The following PDE1C variants were observed in gnomAD, a reference collection of about 807,000 sequenced individuals.
PDE1C encodes phosphodiesterase 1C, also known as dual specificity calcium/calmodulin-dependent 3',5'-cyclic nucleotide phosphodiesterase 1C.
In PDE1C, 62 loss-of-function variants were observed where a neutral mutation model predicts 93.1. The ratio of observed to expected loss-of-function variants is 0.67; its 90% CI spans 0.54 to 0.82. The LOEUF is 0.82. Among genes scored for constraint, PDE1C ranks in the 40% least tolerant of loss-of-function variants. The pLI is 0.00. For synonymous variants in PDE1C, 325 were observed against 310.1 expected (o/e 1.05, Z -0.50); for missense variants, 742 against 884.6 (o/e 0.84, Z 2.04).
intron 2 of PDE1C, among the ~76,000 whole-genome samples, chr7:31,930,011 G>T (rs1803968563): frequency 6.6e-6 from 1 of 152,020 alleles, no homozygotes; most frequent in African/African-American, 2.4e-5. Context: ...TAACAAAATA[G>T]ACCACTAGCC....
chr7:32,376,145 C>T (rs943895586), intron 1 of PDE1C, among the ~76,000 whole-genome samples: 43 of 151,376 alleles, frequency 2.8e-4, no homozygotes, highest in African/African-American at 9.3e-4. Flanking sequence ...TGGGTGACAG[C>T]GAGACTCTGT....
At chr7:32,293,451 A>C (rs1361995093) in intron 1 of PDE1C, among the ~76,000 whole-genome samples, 1 of 152,128 alleles carries the variant, frequency 6.6e-6, no homozygotes, top group Non-Finnish European at 1.5e-5. Flanking sequence ...AGTGGCATAC[A>C]CCGGTTTTAA....
chr7:31,987,700 C>T (rs191978025), intron 2 of PDE1C, among the ~76,000 whole-genome samples: 2 of 152,226 alleles, frequency 1.3e-5, no homozygotes, highest in Non-Finnish European at 1.5e-5. Flanking sequence ...AGTGTTATAT[C>T]GTTAGAAGCA....
intron 7 of PDE1C, among the ~76,000 whole-genome samples, chr7:31,855,454 A>T (rs1793892386): frequency 6.6e-6 from 1 of 152,058 alleles, no homozygotes; most frequent in South Asian, 2.1e-4. Flanking sequence ...GTTAGCCTTA[A>T]TTGCATCTGC....
chr7:31,878,173 C>A, intron 4 of PDE1C, 137 bp from the exon 5 acceptor site: 1 of 574,118 alleles, frequency 1.7e-6, no homozygotes, highest in Non-Finnish European at 3.0e-6. Context: ...CATTTTTTGA[C>A]ATTTTTAATA....
At chr7:31,998,008 AT>A (rs1353857739) in intron 2 of PDE1C, among the ~76,000 whole-genome samples, 2 of 121,052 alleles carry the variant, frequency 1.7e-5, no homozygotes, top group Non-Finnish European at 3.7e-5. Context: ...ATTTTATTTT[AT>A]TTTTATTTAT....
At chr7:31,717,143 A>T in the PDE1C span, among the ~76,000 whole-genome samples, 11 of 152,354 alleles carry the variant, frequency 7.2e-5, no homozygotes, top group South Asian at 2.1e-3. Context: ...GTTACTCTTG[A>T]TTAGTTTTTG....
chr7:31,697,132 G>A, the PDE1C span: 4 of 1,613,030 alleles, frequency 2.5e-6, no homozygotes, highest in Admixed American at 5.0e-5. Flanking sequence ...AAAAGCTGGT[G>A]CAGGGCATTT....
chr7:31,826,911 T>A (rs1583492576), intron 12 of PDE1C, among the ~76,000 whole-genome samples: 1 of 152,182 alleles, frequency 6.6e-6, no homozygotes, highest in African/African-American at 2.4e-5. Flanking sequence ...ACTCTGCCAC[T>A]AAAGTGCTAA....
intron 1 of PDE1C, among the ~76,000 whole-genome samples, chr7:32,326,585 A>T (rs1261872043): frequency 6.6e-6 from 1 of 152,162 alleles, no homozygotes; most frequent in Non-Finnish European, 1.5e-5. Flanking sequence ...AAGGACTAAT[A>T]CTTGACTATT....
intron 2 of PDE1C, among the ~76,000 whole-genome samples, chr7:32,021,039 A>G (rs1357603617): frequency 1.3e-5 from 2 of 152,100 alleles, no homozygotes; most frequent in Non-Finnish European, 2.9e-5. Flanking sequence ...TGACTTTTAG[A>G]AAGAGCTCCC....
chr7:32,154,055 G>A (rs140750977), intron 3 of PDE1C, among the ~76,000 whole-genome samples: 24 of 152,240 alleles, frequency 1.6e-4, no homozygotes, highest in South Asian at 8.3e-4. Flanking sequence ...GGAGTTTGAC[G>A]CCAGCCTGGG....
intron 1 of PDE1C, among the ~76,000 whole-genome samples, chr7:32,286,452 T>G (rs1447792459): frequency 1.3e-5 from 2 of 152,190 alleles, no homozygotes; most frequent in Non-Finnish European, 2.9e-5. Context: ...CAGCAAACAC[T>G]CAACTACAAA....
At chr7:32,353,761 G>T (rs56047039) in intron 1 of PDE1C, among the ~76,000 whole-genome samples, 6,333 of 152,108 alleles carry the variant, frequency 0.042, 252 homozygotes, top group African/African-American at 0.098. Flanking sequence ...AGGAGTTTAT[G>T]AAATGATATA....
intron 1 of PDE1C, among the ~76,000 whole-genome samples, chr7:32,268,505 C>G (rs1379428533): frequency 6.6e-6 from 1 of 152,092 alleles, no homozygotes; most frequent in African/African-American, 2.4e-5. Context: ...TCTACCTTAC[C>G]TTGTTCCAAA....
intron 13 of PDE1C, among the ~76,000 whole-genome samples, chr7:31,824,443 A>C (rs1272223801): frequency 1.3e-5 from 2 of 152,138 alleles, no homozygotes; most frequent in African/African-American, 2.4e-5. Flanking sequence ...TGGTGGTAGA[A>C]GGTGATTTCA....
chr7:31,719,998 T>TA, the PDE1C span, among the ~76,000 whole-genome samples: 1,008 of 151,152 alleles, frequency 6.7e-3, 14 homozygotes, highest in African/African-American at 0.023. Flanking sequence ...CCGTCTCTAC[T>TA]AAAAAATACA....
At chr7:32,079,082 C>A (rs1236439770) in intron 3 of PDE1C, among the ~76,000 whole-genome samples, 1 of 152,140 alleles carries the variant, frequency 6.6e-6, no homozygotes, top group African/African-American at 2.4e-5. Context: ...TTTGAAAGGC[C>A]ACCAAAGGTG....
Position 32,407,948 on chromosome 7 carries a change from T to A in PDE1C, c.310+19874A>T, listed in dbSNP as rs115528716. 2.1e-3 allele frequency among the ~76,000 whole-genome samples: 316 copies of A among 152,296 alleles called. 2 individuals are homozygous for A. Among genetic ancestry groups the A allele is most frequent in the African/African-American group, 7.2e-3 (301 of 41,570 alleles). ...CAGGGATAAAGTCTTCAAAGAGATT[T>A]GTATTTGTGCCACTGTTTCTGGGGT... On this transcript the variant is annotated intron_variant, in intron 1 of 1. Coordinates refer to the PDE1C transcript ENST00000672256.
Sources: gnomAD v4.1 joint callset for allele counts (sites outside exome capture counted in the v4.1 genomes callset) on GRCh38, gnomAD v4.1.1 for gene constraint, MANE v1.5 for transcripts, NCBI Gene and HGNC (gene_info 2026-07-23, HGNC 2026-07-21) for gene names.